HDX: variants seen among roughly 807,000 people sequenced by gnomAD.
HDX encodes highly divergent homeobox.
Under a neutral mutation model 45.2 loss-of-function variants are expected in HDX, and 19 were observed. That is an observed-to-expected ratio of 0.42 (90% confidence interval 0.29 to 0.62). The LOEUF (loss-of-function observed/expected upper bound fraction) is 0.62, where lower values mean the gene tolerates loss of function less well. HDX is among the 20% of genes least tolerant of loss of function. The probability of loss-of-function intolerance (pLI) is 0.20; values close to 1 mark genes in which losing one functional copy is unlikely to be tolerated. For synonymous variants in HDX, 188 were observed against 172.8 expected, an observed-to-expected ratio of 1.09 and a Z score of -0.69; for missense variants, 532 against 493.9, an observed-to-expected ratio of 1.08 and a Z score of -0.73.
At chrX:84,457,924 AG>A (rs1462367508) in intron 4 of HDX, among the ~76,000 whole-genome samples, 1 of 111,786 alleles carries the variant, frequency 8.9e-6, no homozygotes, top group East Asian at 2.8e-4. Context: ...AGTGTGGGGG[AG>A]GGGAAATTGG....
intron 4 of HDX, 145 bp from the exon 5 acceptor site, chrX:84,440,730 T>C: frequency 2.5e-6 from 1 of 405,097 alleles, no homozygotes; most frequent in Non-Finnish European, 4.2e-6. Flanking sequence ...GTTTCCTTAT[T>C]GAACTCAACA....
chrX:84,373,962 T>C (rs1366954201), intron 5 of HDX, among the ~76,000 whole-genome samples: 2 of 64,881 alleles, frequency 3.1e-5, no homozygotes, highest in Non-Finnish European at 5.4e-5. Flanking sequence ...AAAGAGGAAG[T>C]CAAATTGTCC....
chrX:84,416,249 G>A (rs914336513), intron 5 of HDX, among the ~76,000 whole-genome samples: 1 of 111,101 alleles, frequency 9.0e-6, no homozygotes, highest in Non-Finnish European at 1.9e-5. Flanking sequence ...TCATCTTATC[G>A]AGATATGCCA....
At chrX:84,394,371 G>A (rs763571397) in intron 5 of HDX, among the ~76,000 whole-genome samples, 84 of 111,769 alleles carry the variant, frequency 7.5e-4, no homozygotes, top group African/African-American at 2.5e-3. Flanking sequence ...GACTTGATAC[G>A]ACTTTGACTT....
rs762753594 is a variant in HDX at position 84,397,161 on chromosome X, T to G, written c.1306-35549A>C. Among the ~76,000 whole-genome samples the G allele has an allele frequency of 2.7e-5, 3 of 112,334 alleles. No homozygotes were observed. The Admixed American group carries it at 2.8e-4, about 11-fold the overall frequency. On this transcript the variant is annotated intron_variant, in intron 5 of 10. Transcript: ENST00000373177. ...AGGAATTCTGCCACTGCATGGTGGCTTCTCTCCTGGAGGCAGTGGAGTCAC... is the reference window on the plus strand; with the variant it reads ...AGGAATTCTGCCACTGCATGGTGGCGTCTCTCCTGGAGGCAGTGGAGTCAC...
rs139083171 is a variant in HDX, at chrX:84,499,717, G to A, written c.-110+2625C>T. Reference sequence around the variant, plus strand: ...TGATATTGGGATGGTACCTCAAAGTGAGGCAGGAGCCAAAGTGAAATATGT... The same window carrying A: ...TGATATTGGGATGGTACCTCAAAGTAAGGCAGGAGCCAAAGTGAAATATGT... On this transcript the variant is annotated intron_variant, in intron 1 of 10. Coordinates refer to ENST00000373177, the MANE Select transcript of HDX (RefSeq NM_001177479.2). Among the ~76,000 whole-genome samples the A allele has an allele frequency of 9.7e-4, 108 of 111,690 alleles. 1 individual carries two copies. Among genetic ancestry groups the A allele is most frequent in the Middle Eastern group, 9.3e-3 (2 of 216 alleles).
At chrX:84,388,981 C>A (rs143825800) in intron 5 of HDX, among the ~76,000 whole-genome samples, 2,222 of 110,895 alleles carry the variant, frequency 0.02, 54 homozygotes, top group African/African-American at 0.07. Context: ...AGTCAGTTGG[C>A]TTTCATTCTT....
intron 6 of HDX, among the ~76,000 whole-genome samples, chrX:84,345,514 T>A (rs752304948): frequency 8.7e-4 from 97 of 111,906 alleles, no homozygotes; most frequent in Non-Finnish European, 1.7e-3. Flanking sequence ...TATTTACCCA[T>A]GTTCGTTTAA....
At position 84,352,105 on chromosome X, in the gene HDX, G is replaced by A. The variant is rs369907428; in HGVS notation, c.1453-7648C>T. 4.5e-5 allele frequency among the ~76,000 whole-genome samples: 5 copies of A among 112,136 alleles called. No homozygotes were observed. The East Asian group carries it at 1.1e-3, about 25-fold the overall frequency. On this transcript the variant is annotated intron_variant, in intron 6 of 10. Transcript: ENST00000373177. The stretch of plus-strand genomic sequence containing the variant: ...TACAATAGGGCTACATAAATACAAA[G>A]CCACCTTAGATACTCTTTGTGTAAA...
chrX:84,361,551 T>C lies in HDX; in HGVS notation c.1367A>G (p.Asn456Ser), dbSNP rs2037623067. The C allele has an allele frequency of 1.7e-6, 2 of 1,204,845 alleles. No homozygotes were observed. The highest frequency in any genetic ancestry group is 1.1e-6 in the Non-Finnish European group (1 of 889,923). ...AACAGAGCCCAGGCTGGTCATGCCATTGTCCCAATACTTCTTAAGGGTGGC... is the reference window on the plus strand; with the variant it reads ...AACAGAGCCCAGGCTGGTCATGCCACTGTCCCAATACTTCTTAAGGGTGGC... ...DLATLKKYWD[N>S]GMTSLGSVCR... Residue 456 changes from asparagine to serine, a missense_variant, in exon 6 of 11, where the codon AAT (asparagine) becomes AGT (serine). Physicochemically the swap from Asn to Ser is conservative, Grantham distance 46 (BLOSUM62 1). Coordinates refer to ENST00000373177, the MANE Select transcript of HDX (RefSeq NM_001177479.2).
chrX:84,479,272 AATTTTG>A (rs1431755354), intron 2 of HDX, among the ~76,000 whole-genome samples: 1 of 111,486 alleles, frequency 9.0e-6, no homozygotes, highest in East Asian at 2.8e-4. Context: ...CTGTTTCTAT[AATTTTG>A]ACTTCCGTAG....
intron 7 of HDX, among the ~76,000 whole-genome samples, chrX:84,339,037 T>C (rs1450200625): frequency 9.0e-6 from 1 of 111,403 alleles, no homozygotes; most frequent in Non-Finnish European, 1.9e-5. Flanking sequence ...AAATCTCTTT[T>C]CTTTATAAAT....
intron 5 of HDX, among the ~76,000 whole-genome samples, chrX:84,374,446 A>T (rs1380394210): frequency 2.7e-5 from 3 of 110,807 alleles, no homozygotes; most frequent in Non-Finnish European, 5.7e-5. Context: ...GAGCCTGCAT[A>T]GCCAAGACAA....
chrX:84,429,700 T>G (rs1165429661), intron 5 of HDX, among the ~76,000 whole-genome samples: 1 of 110,445 alleles, frequency 9.1e-6, no homozygotes, highest in African/African-American at 3.3e-5. Flanking sequence ...GAACCTCCAG[T>G]AAAATATTGA....
intron 5 of HDX, among the ~76,000 whole-genome samples, chrX:84,438,771 C>G (rs781400222): frequency 9.0e-6 from 1 of 111,404 alleles, no homozygotes; most frequent in Non-Finnish European, 1.9e-5. Flanking sequence ...ATATGTACCA[C>G]ATATACTTCA....
At chrX:84,423,872 TG>T (rs1025755184) in intron 5 of HDX, among the ~76,000 whole-genome samples, 11 of 110,934 alleles carry the variant, frequency 9.9e-5, no homozygotes, top group African/African-American at 3.6e-4. Flanking sequence ...TCATACAGAA[TG>T]GGGAAAAACC....
In HDX at chrX:84,318,269, C is replaced by A. The variant is rs2036536381; in HGVS notation, c.*3620G>T. On this transcript the variant is annotated 3_prime_UTR_variant, in exon 11 of 11. Coordinates refer to ENST00000373177, the MANE Select transcript of HDX (RefSeq NM_001177479.2). ...GCTTGGTGAAGAGCATGATACAGTG[C>A]TGTCTGCCAAGGAAAATACCAACTT... 1 of 110,225 alleles carries A rather than the reference C, an allele frequency of 9.1e-6. No individual in the cohort carries two copies. Among genetic ancestry groups the A allele is most frequent in the Non-Finnish European group, 1.9e-5 (1 of 52,342 alleles). The allele number at this position is 110,225 out of a possible 1,213,427, so 9.1% of individuals were successfully genotyped here.
chrX:84,356,979 G>A (rs1035102664), intron 6 of HDX, among the ~76,000 whole-genome samples: 1 of 111,088 alleles, frequency 9.0e-6, no homozygotes, highest in African/African-American at 3.3e-5. Context: ...GATTCTGTCC[G>A]TGTCTCCTCT....
intron 6 of HDX, among the ~76,000 whole-genome samples, chrX:84,350,990 C>T (rs1241223267): frequency 9.2e-6 from 1 of 108,174 alleles, no homozygotes; most frequent in Non-Finnish European, 1.9e-5. Context: ...CTTTGTATGA[C>T]TTTTTAGTGA....
Sources: allele counts gnomAD v4.1 joint callset (sites outside exome capture counted in the v4.1 genomes callset), GRCh38; gene constraint gnomAD v4.1.1; transcripts MANE v1.5; gene names NCBI Gene and HGNC (gene_info 2026-07-23, HGNC 2026-07-21).